Variants in SETD2 observed in about 807,000 individuals in gnomAD.
SETD2 encodes the protein SET domain containing 2, histone lysine methyltransferase.
Under a neutral mutation model 242.1 loss-of-function variants are expected in SETD2, and 31 were observed. That is an observed-to-expected ratio of 0.13 (90% CI 0.10 to 0.17). The LOEUF is 0.17. Among genes scored for constraint, SETD2 ranks in the 10% least tolerant of loss-of-function variants. The pLI is 1.00. For missense variants in SETD2, 2,481 were observed against 3,046.3 expected (o/e 0.81, Z 4.37); for synonymous variants, 1,006 against 1,066.5 (o/e 0.94, Z 1.11).
intron 1 of SETD2, among the ~76,000 whole-genome samples, chr3:47,151,599 G>A (rs372668750): frequency 3.3e-5 from 5 of 152,032 alleles, no homozygotes; most frequent in East Asian, 1.9e-4. Context: ...AGGCCAAGGC[G>A]GGTGGATCAC....
intron 12 of SETD2, among the ~76,000 whole-genome samples, chr3:47,068,281 A>T (rs1418867815): frequency 6.6e-6 from 1 of 152,212 alleles, no homozygotes; most frequent in East Asian, 1.9e-4. Flanking sequence ...GCCACATGTC[A>T]CACAACTGAG....
intron 14 of SETD2, among the ~76,000 whole-genome samples, chr3:47,058,502 A>C (rs2040187209): frequency 6.6e-6 from 1 of 150,658 alleles, no homozygotes; most frequent in Non-Finnish European, 1.5e-5. Flanking sequence ...ACTTGTACAT[A>C]GCAGCAACAT....
chr3:47,108,734 A>T lies in SETD2; in HGVS notation c.4716-2614T>A, dbSNP rs990852579. Among the ~76,000 whole-genome samples, 3 of 152,174 alleles carry T rather than the reference A, an allele frequency of 2.0e-5. 1 individual carries two copies. Among genetic ancestry groups the T allele is most frequent in the Admixed American group, 2.0e-4 (3 of 15,272 alleles). Reference sequence around the variant, plus strand: ...GGAAGCAGCTGAGAGAAGCATCTCAAAGTCCTCAGGAATTTGGGGAATGTA... The same window carrying T: ...GGAAGCAGCTGAGAGAAGCATCTCATAGTCCTCAGGAATTTGGGGAATGTA... On this transcript the variant is annotated intron_variant, in intron 5 of 20. Coordinates refer to ENST00000409792, the MANE Select transcript of SETD2 (RefSeq NM_014159.7).
Position 47,086,323 on chromosome 3 carries a change from G to T in SETD2, c.5278-9C>A. On this transcript the variant is annotated splice_polypyrimidine_tract_variant and intron_variant, in intron 10 of 20. Transcript: ENST00000409792. Reference sequence around the variant, plus strand: ...GACTGTGAGTGTGTGTTCTTTCATGGGGGAAGGGAGACACGATGCAGAGCA... The same window carrying T: ...GACTGTGAGTGTGTGTTCTTTCATGTGGGAAGGGAGACACGATGCAGAGCA... The T allele has an allele frequency of 6.2e-7, 1 of 1,610,592 alleles. No homozygotes were observed. The highest frequency in any genetic ancestry group is 8.5e-7 in the Non-Finnish European group (1 of 1,177,700).
intron 15 of SETD2, among the ~76,000 whole-genome samples, chr3:47,056,507 C>A (rs1001257426): frequency 2.0e-5 from 3 of 152,068 alleles, no homozygotes; most frequent in African/African-American, 7.2e-5. Flanking sequence ...CTGCTAACAA[C>A]AATGTGAGTA....
Position 47,123,399 on chromosome 3 carries a change from A to G in SETD2, c.1237T>C (p.Ser413Pro), listed in dbSNP as rs1234240400. 6.4e-7 allele frequency: 1 copy of G among 1,551,550 alleles called. No individual in the cohort carries two copies. The highest frequency in any genetic ancestry group is 2.4e-5 in the East Asian group (1 of 40,938). The change falls in exon 3 of 21, where the codon TCT becomes CCT. Residue 413 changes from serine to proline, a missense_variant. This residue lies in a region of SETD2 where 1,300 missense variants were observed against 1,259.2 expected (regional missense o/e 1.03). Coordinates refer to ENST00000409792, the MANE Select transcript of SETD2 (RefSeq NM_014159.7). The stretch of plus-strand genomic sequence containing the variant: ...CTGGAATAGGATAAATTAGTTCTAG[A>G]GCCTCTCTCAGACCTAGAGTGAGAT... ...SRSHSRSERG[S>P]RTNLSYSRSE...
At position 47,101,344 on chromosome 3, in the gene SETD2, A is replaced by G. The variant is rs1383630901; in HGVS notation, c.5015+114T>C. 13 of 623,488 alleles carry G rather than the reference A, an allele frequency of 2.1e-5. No individual in the cohort carries two copies. In the East Asian group the frequency reaches 3.4e-4, roughly 16 times the overall value. The allele number at this position is 623,488 out of a possible 1,614,324, so 38.6% of individuals were successfully genotyped here. On this transcript the variant is annotated intron_variant, in intron 8 of 20. Transcript: ENST00000409792. ...AAACCAAAACAATATCTTATAGATA[A>G]GAGTTAAGAGTAAATATAACTTTTA... is the stretch of plus-strand genomic sequence containing the variant.
chr3:47,145,457 C>T (rs2043830109), intron 1 of SETD2: 10 of 404,804 alleles, frequency 2.5e-5, no homozygotes, highest in South Asian at 1.9e-4. Context: ...TACAGTAGTA[C>T]AATCCCAGCT....
chr3:47,149,879 G>C (rs2043943134), intron 1 of SETD2, among the ~76,000 whole-genome samples: 1 of 152,068 alleles, frequency 6.6e-6, no homozygotes. Flanking sequence ...GCCTCATACA[G>C]TTAGAAACTG....
chr3:47,141,578 T>A (rs1485839978), intron 1 of SETD2, among the ~76,000 whole-genome samples: 1 of 152,204 alleles, frequency 6.6e-6, no homozygotes, highest in African/African-American at 2.4e-5. Context: ...CATAAATAAC[T>A]GCTTACTTTC....
At chr3:47,144,940 ACT>A (rs1397970968) in intron 1 of SETD2, among the ~76,000 whole-genome samples, 3 of 152,180 alleles carry the variant, frequency 2.0e-5, no homozygotes, top group African/African-American at 7.2e-5. Flanking sequence ...GACAAGTGAG[ACT>A]CTGTCTCAAA....
Position 47,019,128 on chromosome 3 carries a change from G to A in SETD2, c.7431+632C>T, listed in dbSNP as rs549144344. On this transcript the variant is annotated intron_variant, in intron 19 of 20. Coordinates refer to ENST00000409792, the MANE Select transcript of SETD2 (RefSeq NM_014159.7). ...AGTTTAGTGTCTTGATGGTTGGTAA[G>A]ACACACTTCTGGTAGCATAAAAAGG... Among the ~76,000 whole-genome samples, 12 of 152,362 alleles carry A rather than the reference G, an allele frequency of 7.9e-5. 1 individual carries two copies. Among genetic ancestry groups the A allele is most frequent in the Admixed American group, 7.2e-4 (11 of 15,306 alleles).
intron 12 of SETD2, 65 bp from the exon 13 acceptor site, chr3:47,067,183 G>C: frequency 8.5e-7 from 1 of 1,175,314 alleles, no homozygotes; most frequent in Non-Finnish European, 1.3e-6. Flanking sequence ...CTTTGAAACT[G>C]ACTGTTTTCA....
intron 3 of SETD2, among the ~76,000 whole-genome samples, chr3:47,117,437 A>AG (rs2042907835): frequency 6.6e-6 from 1 of 152,168 alleles, no homozygotes; most frequent in Non-Finnish European, 1.5e-5. Flanking sequence ...TTAAAGTCAT[A>AG]CTAGGTTCTA....
chr3:47,110,199 C>G (rs533899346), intron 5 of SETD2, among the ~76,000 whole-genome samples: 1 of 151,952 alleles, frequency 6.6e-6, no homozygotes. Context: ...TTCATTTATA[C>G]GAAATACCGA....
Position 47,056,879 on chromosome 3 carries a change from C to G in SETD2, c.6905G>C (p.Cys2302Ser). The change falls in exon 15 of 21, where the codon TGT (cysteine) becomes TCT (serine). Residue 2302 changes from cysteine (C) to serine (S), a missense_variant. This residue lies in a region of SETD2 where 235 missense variants were observed against 293.9 expected (regional missense o/e 0.80). Coordinates refer to ENST00000409792, the MANE Select transcript of SETD2 (RefSeq NM_014159.7). Reference sequence around the variant, plus strand: ...TGATGTCACACCATAGACTGTTGGACATGTCTGTCCTTGATAATATATGGT... The same window carrying G: ...TGATGTCACACCATAGACTGTTGGAGATGTCTGTCCTTGATAATATATGGT... The part of the protein sequence containing the change: ...QATIYYQGQT[C>S]PTVYGVTSPY... 2 of 1,614,196 alleles carry G rather than the reference C, an allele frequency of 1.2e-6. No individual in the cohort carries two copies. The highest frequency in any genetic ancestry group is 1.7e-6 in the Non-Finnish European group (2 of 1,179,992).
chr3:47,050,723 CTTTTTTTTT>C (rs775259096), intron 15 of SETD2, among the ~76,000 whole-genome samples: 10 of 66,880 alleles, frequency 1.5e-4, no homozygotes, highest in African/African-American at 2.5e-4. Flanking sequence ...TTTCCTCTCT[CTTTTTTTTT>C]TTTTTTTTTT....
At chr3:47,100,453 G>A (rs1186320498) in intron 8 of SETD2, among the ~76,000 whole-genome samples, 1 of 151,332 alleles carries the variant, frequency 6.6e-6, no homozygotes, top group Admixed American at 6.6e-5. Flanking sequence ...TATGGACGGG[G>A]TTTCACCATG....
chr3:47,146,857 G>A (rs1439970903), intron 1 of SETD2, among the ~76,000 whole-genome samples: 1 of 151,450 alleles, frequency 6.6e-6, no homozygotes, highest in Non-Finnish European at 1.5e-5. Context: ...AGAATCACTT[G>A]AGAGTCCAGG....
Sources: allele counts gnomAD v4.1 joint callset (sites outside exome capture counted in the v4.1 genomes callset), GRCh38; gene constraint gnomAD v4.1.1; regional missense constraint gnomAD v4.1.1; transcripts MANE v1.5; gene names NCBI Gene and HGNC (gene_info 2026-07-23, HGNC 2026-07-21).